The following PIP4K2A variants were observed in gnomAD, a reference collection of about 807,000 sequenced individuals.
The protein encoded by PIP4K2A is phosphatidylinositol 5-phosphate 4-kinase type-2 alpha.
Under a neutral mutation model 42.9 loss-of-function variants are expected in PIP4K2A, and 14 were observed. The ratio of observed to expected loss-of-function variants is 0.33; its 90% confidence interval spans 0.22 to 0.51. The LOEUF (loss-of-function observed/expected upper bound fraction) is 0.51, where lower values mean the gene tolerates loss of function less well. PIP4K2A is among the 20% of genes least tolerant of loss of function. PIP4K2A has a pLI of 0.97. For missense variants in PIP4K2A, 434 were observed against 519.8 expected (o/e 0.83, Z 1.61); for synonymous variants, 192 against 192.2 (o/e 1.00, Z 0.01).
Position 22,609,166 on chromosome 10 carries a change from A to G in PIP4K2A, c.242+454T>C, listed in dbSNP as rs552566643. On this transcript the variant is annotated intron_variant, in intron 2 of 9. Coordinates refer to ENST00000376573, the MANE Select transcript of PIP4K2A (RefSeq NM_005028.5). The stretch of plus-strand genomic sequence containing the variant: ...TAGGTGCTTCATAATGACGTCTAAA[A>G]CAACATTCAAATGAAGGAGGAATGT... Among the ~76,000 whole-genome samples the G allele has an allele frequency of 3.9e-5, 6 of 152,340 alleles. No homozygotes were observed. In the East Asian group the frequency reaches 9.6e-4, roughly 24 times the overall value.
intron 7 of PIP4K2A, among the ~76,000 whole-genome samples, chr10:22,547,099 C>G (rs528183730): frequency 6.6e-6 from 1 of 152,246 alleles, no homozygotes; most frequent in Non-Finnish European, 1.5e-5. Context: ...GAGATCTTTA[C>G]GAGTCTAAGA....
intron 6 of PIP4K2A, among the ~76,000 whole-genome samples, chr10:22,566,692 A>G (rs1836855698): frequency 6.6e-6 from 1 of 150,594 alleles, no homozygotes; most frequent in Admixed American, 6.6e-5. Context: ...TCTGACTCTC[A>G]TGCCCTTGCA....
At chr10:22,573,591 GACC>G (rs1408787757) in intron 4 of PIP4K2A, 134 bp from the exon 5 acceptor site, 1 of 686,682 alleles carries the variant, frequency 1.5e-6, no homozygotes, top group Non-Finnish European at 2.4e-6. Flanking sequence ...TACAGAAAAT[GACC>G]ACATTTGTAC....
intron 4 of PIP4K2A, 95 bp downstream of exon 4, chr10:22,591,534 T>C (rs1358069345): frequency 1.0e-6 from 1 of 966,166 alleles, no homozygotes; most frequent in Non-Finnish European, 1.6e-6. Flanking sequence ...GTTCTTCTTG[T>C]TCTCTAACTA....
chr10:22,661,313 A>G (rs1035038044), intron 1 of PIP4K2A, among the ~76,000 whole-genome samples: 2 of 147,298 alleles, frequency 1.4e-5, no homozygotes, highest in African/African-American at 2.5e-5. Flanking sequence ...AGACTTGTAT[A>G]TACTAGTCTA....
chr10:22,668,643 G>C (rs1839394611), intron 1 of PIP4K2A, among the ~76,000 whole-genome samples: 1 of 152,154 alleles, frequency 6.6e-6, no homozygotes, highest in Admixed American at 6.5e-5. Context: ...CTGGTTTTCT[G>C]AACTAGTCTG....
chr10:22,704,659 A>G (rs1027504252), intron 1 of PIP4K2A, among the ~76,000 whole-genome samples: 1 of 151,630 alleles, frequency 6.6e-6, no homozygotes, highest in Non-Finnish European at 1.5e-5. Context: ...CTGAAAAAAA[A>G]AAAAAAAAAA....
intron 1 of PIP4K2A, among the ~76,000 whole-genome samples, chr10:22,683,711 G>A (rs1328405300): frequency 6.6e-6 from 1 of 151,980 alleles, no homozygotes; most frequent in Non-Finnish European, 1.5e-5. Flanking sequence ...TTTAATCACA[G>A]CTTCATCTTT....
At chr10:22,565,277 G>A (rs984607788) in intron 6 of PIP4K2A, among the ~76,000 whole-genome samples, 5 of 152,292 alleles carry the variant, frequency 3.3e-5, no homozygotes, top group Middle Eastern at 3.4e-3. Flanking sequence ...CTGTTCTGAC[G>A]CCGCACTGAC....
intron 1 of PIP4K2A, among the ~76,000 whole-genome samples, chr10:22,705,432 A>G (rs1233627758): frequency 1.9e-5 from 1 of 51,322 alleles, no homozygotes; most frequent in Non-Finnish European, 4.8e-5. Flanking sequence ...CAGTTAAAAA[A>G]AAAAAAAAAA....
intron 1 of PIP4K2A, among the ~76,000 whole-genome samples, chr10:22,668,594 G>A (rs1404135805): frequency 2.0e-5 from 3 of 152,190 alleles, no homozygotes; most frequent in Non-Finnish European, 4.4e-5. Context: ...TTGGAACTCA[G>A]AATGCATTTT....
At chr10:22,567,654 T>C (rs1408663959) in intron 6 of PIP4K2A, 197 bp downstream of exon 6, 2 of 740,066 alleles carry the variant, frequency 2.7e-6, no homozygotes, top group Admixed American at 1.9e-5. Flanking sequence ...ACTGTTTCAC[T>C]ATTCAACAAT....
At chr10:22,634,203 C>T (rs941914826) in intron 1 of PIP4K2A, among the ~76,000 whole-genome samples, 1 of 152,186 alleles carries the variant, frequency 6.6e-6, no homozygotes, top group Non-Finnish European at 1.5e-5. Flanking sequence ...GACCAAAGAG[C>T]CCAGCCAAAG....
intron 1 of PIP4K2A, among the ~76,000 whole-genome samples, chr10:22,701,599 T>C (rs12255136): frequency 0.32 from 48,213 of 152,130 alleles, 8,020 homozygotes; most frequent in Middle Eastern, 0.38. Context: ...TGCTTTGGCT[T>C]CTCACTGTCT....
intron 1 of PIP4K2A, among the ~76,000 whole-genome samples, chr10:22,680,812 G>C (rs1839644899): frequency 6.6e-6 from 1 of 152,110 alleles, no homozygotes; most frequent in Non-Finnish European, 1.5e-5. Flanking sequence ...CCCAAAATAT[G>C]CCGGATTTTT....
At chr10:22,687,512 T>A (rs1839788350) in intron 1 of PIP4K2A, among the ~76,000 whole-genome samples, 1 of 151,732 alleles carries the variant, frequency 6.6e-6, no homozygotes, top group African/African-American at 2.4e-5. Flanking sequence ...TTTTGTTAAA[T>A]AAATAGGTTT....
chr10:22,541,841 A>C lies in PIP4K2A; in HGVS notation c.999T>G (p.Asp333Glu), dbSNP rs1159876840. The C allele has an allele frequency of 6.3e-7, 1 of 1,582,996 alleles. No homozygotes were observed. Among genetic ancestry groups the C allele is most frequent in the Non-Finnish European group, 8.6e-7 (1 of 1,166,068 alleles). ...TAATTCCATAGACGTCGATGTTCGGATCGAACTCCCCGGGAGCCAGGGGTG... is the reference window on the plus strand; with the variant it reads ...TAATTCCATAGACGTCGATGTTCGGCTCGAACTCCCCGGGAGCCAGGGGTG... ...SSPPLAPGEF[D>E]PNIDVYGIKC... Residue 333 changes from aspartate to glutamate, a missense_variant, in exon 8 of 10, where the codon GAT (aspartate) becomes GAG (glutamate). Around this residue, in one of 2 missense-constraint regions of PIP4K2A, gnomAD observed 395 missense variants for 444.5 expected, o/e 0.89. Coordinates refer to ENST00000376573, the MANE Select transcript of PIP4K2A (RefSeq NM_005028.5).
chr10:22,618,564 C>T (rs919149028), intron 1 of PIP4K2A, among the ~76,000 whole-genome samples: 2 of 152,180 alleles, frequency 1.3e-5, no homozygotes, highest in African/African-American at 4.8e-5. Flanking sequence ...ACCTCAGGTG[C>T]ATTGCTAAGA....
At chr10:22,636,894 C>A (rs886374946) in intron 1 of PIP4K2A, among the ~76,000 whole-genome samples, 2 of 152,212 alleles carry the variant, frequency 1.3e-5, no homozygotes, top group Non-Finnish European at 2.9e-5. Flanking sequence ...TGGGTTTGTT[C>A]TTCTGGAAGG....
Sources: allele counts gnomAD v4.1 joint callset (sites outside exome capture counted in the v4.1 genomes callset), GRCh38; gene constraint gnomAD v4.1.1; regional missense constraint gnomAD v4.1.1; transcripts MANE v1.5; gene names NCBI Gene and HGNC (gene_info 2026-07-23, HGNC 2026-07-21).